SEPSECS: variants seen among roughly 807,000 people sequenced by gnomAD.
The protein encoded by SEPSECS is O-phosphoseryl-tRNA(Sec) selenium transferase.
In SEPSECS, 42 loss-of-function variants were observed where a neutral mutation model predicts 52.1. The observed-to-expected ratio is 0.81, with a 90% CI of 0.63 to 1.04. SEPSECS has a LOEUF of 1.04. SEPSECS is among the 50% of genes least tolerant of loss of function. The probability of loss-of-function intolerance (pLI) is 0.00; values close to 1 mark genes in which losing one functional copy is unlikely to be tolerated. For synonymous variants in SEPSECS, 216 were observed against 211.4 expected (o/e 1.02, Z -0.19); for missense variants, 590 against 610.6 (o/e 0.97, Z 0.36).
At position 25,123,577 on chromosome 4, in the gene SEPSECS, G is replaced by A. The variant is rs572862359; in HGVS notation, c.*354C>T. On this transcript the variant is annotated 3_prime_UTR_variant, in exon 11 of 11. Transcript: ENST00000382103. ...TTCTCAATTCTGTGTGATCAGAAAC[G>A]GTAAAGAATGGTTAGGAGGAAGCAC... The A allele has an allele frequency of 4.7e-5, 12 of 255,526 alleles. No individual in the cohort carries two copies. In the South Asian group the frequency reaches 5.2e-4, roughly 11 times the overall value. The allele number at this position is 255,526 out of a possible 1,614,324, so 15.8% of individuals were successfully genotyped here. A position where few individuals can be genotyped will look rare whatever the true frequency, so the allele number is the denominator to read the frequency against.
At position 25,144,877 on chromosome 4, in the gene SEPSECS, A is replaced by G. The variant is rs1225828684; in HGVS notation, c.935-12T>C. The stretch of plus-strand genomic sequence containing the variant: ...AGCTGAAGCTCTTCCTGAAATAAGA[A>G]GGATAAGTTACATTAAGACTGTGGT... On this transcript the variant is annotated splice_polypyrimidine_tract_variant and intron_variant, in intron 7 of 10. Transcript: ENST00000382103. 6.2e-7 allele frequency: 1 copy of G among 1,605,254 alleles called. No homozygotes were observed. Among genetic ancestry groups the G allele is most frequent in the East Asian group, 2.2e-5 (1 of 44,816 alleles).
At chr4:25,139,986 T>C (rs1275146886) in intron 8 of SEPSECS, among the ~76,000 whole-genome samples, 2 of 152,212 alleles carry the variant, frequency 1.3e-5, no homozygotes, top group Non-Finnish European at 2.9e-5. Flanking sequence ...TAATTCTGTT[T>C]TTCTTCTTAT....
At chr4:25,145,269 A>G (rs1711892293) in intron 6 of SEPSECS, 136 bp from the exon 7 acceptor site, 2 of 848,034 alleles carry the variant, frequency 2.4e-6, no homozygotes, top group Non-Finnish European at 3.8e-6. Context: ...TTTACAATAT[A>G]TACATGCATC....
chr4:25,135,051 A>G (rs1443014172), intron 8 of SEPSECS, among the ~76,000 whole-genome samples: 3 of 152,226 alleles, frequency 2.0e-5, no homozygotes, highest in African/African-American at 7.2e-5. Flanking sequence ...TCTGGGATAC[A>G]GCTAAAGCAG....
rs1728133815 is a variant in SEPSECS, at chr4:25,121,712, A to G, written c.*2219T>C. ...TAGAATTCCAAAACCACTGAAAAAG[A>G]AAGGGTTAATAATAAAAACCACAGC... On this transcript the variant is annotated 3_prime_UTR_variant, in exon 11 of 11. Transcript: ENST00000382103. The G allele has an allele frequency of 6.6e-6, 1 of 152,180 alleles. No individual in the cohort carries two copies. Among genetic ancestry groups the G allele is most frequent in the Non-Finnish European group, 1.5e-5 (1 of 68,012 alleles). 9.4% of individuals were successfully genotyped at this position (152,180 alleles called of 1,614,324 possible). A position where few individuals can be genotyped will look rare whatever the true frequency, so the allele number is the denominator to read the frequency against.
intron 8 of SEPSECS, among the ~76,000 whole-genome samples, chr4:25,134,952 G>C (rs1041855515): frequency 1.3e-5 from 2 of 152,076 alleles, no homozygotes; most frequent in Non-Finnish European, 2.9e-5. Context: ...ACCTGTTCCT[G>C]AATGACTCCT....
intron 6 of SEPSECS, among the ~76,000 whole-genome samples, chr4:25,145,377 T>C (rs554896600): frequency 3.3e-5 from 5 of 152,194 alleles, no homozygotes; most frequent in Admixed American, 1.3e-4. Context: ...GAAAAAACAA[T>C]TGAAAAATTT....
intron 8 of SEPSECS, among the ~76,000 whole-genome samples, chr4:25,144,112 G>A (rs1344622679): frequency 3.9e-5 from 6 of 152,066 alleles, no homozygotes; most frequent in East Asian, 3.9e-4. Flanking sequence ...AGGCTGAGGC[G>A]GGTGGATCAC....
At chr4:25,126,511 C>T (rs1728380006) in intron 9 of SEPSECS, among the ~76,000 whole-genome samples, 1 of 152,100 alleles carries the variant, frequency 6.6e-6, no homozygotes, top group East Asian at 1.9e-4. Context: ...ACCTTCCTTA[C>T]TTTCTTCAGA....
At position 25,133,957 on chromosome 4, in the gene SEPSECS, T is replaced by C. The variant is rs184857469; in HGVS notation, c.1027-6600A>G. 1.8e-3 allele frequency among the ~76,000 whole-genome samples: 257 copies of C among 144,036 alleles called. 2 individuals are homozygous for C. Among genetic ancestry groups the C allele is most frequent in the African/African-American group, 6.5e-3 (252 of 39,054 alleles). The allele number at this position is 144,036 out of a possible 152,430, so 94.5% of individuals were successfully genotyped here. ...GGCAAAACCCTGTCTCTACAAAAAGTAAAAAAAAATAAAAATTTAGACTGG... is the reference window on the plus strand; with the variant it reads ...GGCAAAACCCTGTCTCTACAAAAAGCAAAAAAAAATAAAAATTTAGACTGG... On this transcript the variant is annotated intron_variant, in intron 8 of 10. Transcript: ENST00000382103.
chr4:25,144,463 CTACCTTTAAG>C (rs1488219028), intron 8 of SEPSECS, among the ~76,000 whole-genome samples: 1 of 151,690 alleles, frequency 6.6e-6, no homozygotes, highest in African/African-American at 2.4e-5. Context: ...TTAAGAGCTT[CTACCTTTAAG>C]TACCTTTAAG....
rs902099485 is a variant in SEPSECS at position 25,121,748 on chromosome 4, C to G, written c.*2183G>C. On this transcript the variant is annotated 3_prime_UTR_variant, in exon 11 of 11. Transcript: ENST00000382103. ...AATAAAAACCACAGCTGATTTTCTG[C>G]ATCAGGAATGAAATATTGTAACATA... The G allele has an allele frequency of 6.6e-6, 1 of 152,146 alleles. No individual in the cohort carries two copies. Among genetic ancestry groups the G allele is most frequent in the Non-Finnish European group, 1.5e-5 (1 of 67,996 alleles). 9.4% of individuals were successfully genotyped at this position (152,146 alleles called of 1,614,324 possible).
At chr4:25,130,195 T>C (rs3822221) in intron 8 of SEPSECS, among the ~76,000 whole-genome samples, 59,376 of 152,168 alleles carry the variant, frequency 0.39, 13,344 homozygotes, top group Non-Finnish European at 0.5. Context: ...AATATTATTC[T>C]ATCTACTTTG....
chr4:25,133,914 G>A (rs1445789598), intron 8 of SEPSECS, among the ~76,000 whole-genome samples: 1 of 151,494 alleles, frequency 6.6e-6, no homozygotes, highest in Non-Finnish European at 1.5e-5. Context: ...AGGAGTTCGA[G>A]ACCAAACTGG....
At chr4:25,159,408 T>C (rs1012708709) in intron 1 of SEPSECS, 2 of 368,896 alleles carry the variant, frequency 5.4e-6, no homozygotes, top group South Asian at 2.8e-5. Context: ...CCAGTGAAGA[T>C]GCTTCAAACC....
intron 10 of SEPSECS, chr4:25,125,224 G>C (rs986867068): frequency 1.3e-5 from 2 of 153,624 alleles, no homozygotes; most frequent in African/African-American, 4.8e-5. Flanking sequence ...CATTTTTCAG[G>C]CCATGTATAT....
At chr4:25,151,725 A>G (rs565625937) in intron 6 of SEPSECS, among the ~76,000 whole-genome samples, 6 of 152,304 alleles carry the variant, frequency 3.9e-5, no homozygotes, top group African/African-American at 7.2e-5. Context: ...CTAAACTACT[A>G]AAGTATTTCT....
chr4:25,143,513 T>C (rs1320303775), intron 8 of SEPSECS, among the ~76,000 whole-genome samples: 2 of 152,198 alleles, frequency 1.3e-5, no homozygotes, highest in Non-Finnish European at 2.9e-5. Flanking sequence ...CATATTTCGG[T>C]ACATTAGCCA....
chr4:25,125,920 T>C, intron 9 of SEPSECS, 136 bp from the exon 10 acceptor site: 1 of 687,852 alleles, frequency 1.5e-6, no homozygotes, highest in Non-Finnish European at 2.6e-6. Flanking sequence ...ATGTACTTAA[T>C]AAATCTTAGG....
Sources: gnomAD v4.1 joint callset for allele counts (sites outside exome capture counted in the v4.1 genomes callset) on GRCh38, gnomAD v4.1.1 for gene constraint, MANE v1.5 for transcripts, NCBI Gene and HGNC (gene_info 2026-07-23, HGNC 2026-07-21) for gene names.